Variants in INTS15 observed in about 807,000 individuals in gnomAD.
INTS15 encodes the protein integrator complex subunit 15, also known as uncharacterized protein C7orf26.
the INTS15 span, chr7:6,599,924 A>T: frequency 6.2e-7 from 1 of 1,614,180 alleles, no homozygotes; most frequent in Non-Finnish European, 8.5e-7. Flanking sequence ...AAATACTCCG[A>T]TTGCGGCCAA....
chr7:6,604,388 T>C, the INTS15 span, among the ~76,000 whole-genome samples: 1 of 152,200 alleles, frequency 6.6e-6, no homozygotes, highest in Admixed American at 6.5e-5. Flanking sequence ...CTGCTACAAA[T>C]AGTAACTGAC....
the INTS15 span, chr7:6,590,122 C>T: frequency 1.4e-5 from 7 of 486,528 alleles, no homozygotes; most frequent in East Asian, 2.4e-4. Flanking sequence ...GCAGCGATGG[C>T]CCCCTGAGCA....
chr7:6,590,504 G>T, the INTS15 span: 2 of 1,525,592 alleles, frequency 1.3e-6, no homozygotes, highest in African/African-American at 1.4e-5. Context: ...GGGTTCCCGG[G>T]CCCCGCAGGC....
At chr7:6,601,044 C>T in the INTS15 span, among the ~76,000 whole-genome samples, 1 of 151,424 alleles carries the variant, frequency 6.6e-6, no homozygotes, top group Non-Finnish European at 1.5e-5. Flanking sequence ...CGTAGCTCGC[C>T]ACAGTCTCCA....
At chr7:6,601,896 A>G in the INTS15 span, among the ~76,000 whole-genome samples, 2 of 151,506 alleles carry the variant, frequency 1.3e-5, no homozygotes, top group African/African-American at 4.9e-5. Context: ...ACCTCGGGTG[A>G]TCCACCCGCC....
At chr7:6,590,399 T>C in the INTS15 span, 1 of 1,607,070 alleles carries the variant, frequency 6.2e-7, no homozygotes, top group Non-Finnish European at 8.5e-7. Context: ...CCGCTGCCCA[T>C]CGTGGACAAG....
the INTS15 span, chr7:6,590,302 T>C: frequency 6.3e-7 from 1 of 1,575,890 alleles, no homozygotes; most frequent in Non-Finnish European, 8.6e-7. Context: ...CATCCGCCAC[T>C]CGCTGCTGCG....
At chr7:6,605,973 A>G in the INTS15 span, among the ~76,000 whole-genome samples, 1 of 151,868 alleles carries the variant, frequency 6.6e-6, no homozygotes, top group Admixed American at 6.6e-5. Flanking sequence ...TGCTGGGATT[A>G]CAGGTGTGAG....
At chr7:6,597,708 A>T in the INTS15 span, among the ~76,000 whole-genome samples, 1 of 131,884 alleles carries the variant, frequency 7.6e-6, no homozygotes, top group Non-Finnish European at 1.6e-5. Context: ...AATGCCACTG[A>T]CACAGCACAG....
At chr7:6,590,480 G>T in the INTS15 span, 5 of 1,568,232 alleles carry the variant, frequency 3.2e-6, no homozygotes, top group Non-Finnish European at 4.3e-6. Flanking sequence ...CCCAAGGTGC[G>T]GCCTGAGACG....
the INTS15 span, among the ~76,000 whole-genome samples, chr7:6,600,590 G>C: frequency 6.6e-6 from 1 of 152,114 alleles, no homozygotes; most frequent in Non-Finnish European, 1.5e-5. Context: ...CCCAGGACTG[G>C]GGACTCCTTG....
chr7:6,597,892 A>G, the INTS15 span, among the ~76,000 whole-genome samples: 2 of 152,312 alleles, frequency 1.3e-5, no homozygotes, highest in African/African-American at 4.8e-5. Context: ...GTGTCTTCAA[A>G]GCACAAAAAG....
chr7:6,607,728 C>A, the INTS15 span: 2 of 1,508,944 alleles, frequency 1.3e-6, no homozygotes, highest in Non-Finnish European at 8.8e-7. The surrounding 1 kb of genome is among the most constrained non-coding windows in gnomAD (Gnocchi z 6.0). Flanking sequence ...GTGCTACGGC[C>A]GGAGCTCCGT....
At chr7:6,608,152 C>T in the INTS15 span, 1 of 1,564,528 alleles carries the variant, frequency 6.4e-7, no homozygotes, top group South Asian at 1.2e-5. Context: ...CCTTCAGGCC[C>T]ATCCGCTAGG....
the INTS15 span, chr7:6,594,549 T>C: frequency 1.9e-6 from 3 of 1,614,134 alleles, no homozygotes; most frequent in Non-Finnish European, 2.5e-6. Flanking sequence ...CAGCCCGAGA[T>C]TCTGCTGCCA....
At chr7:6,591,570 CT>C in the INTS15 span, 1 of 1,366,912 alleles carries the variant, frequency 7.3e-7, no homozygotes, top group South Asian at 1.2e-5. Flanking sequence ...AGTCTATTTC[CT>C]GTTTTCTTAA....
the INTS15 span, among the ~76,000 whole-genome samples, chr7:6,607,201 C>T: frequency 1.3e-5 from 2 of 152,084 alleles, no homozygotes; most frequent in African/African-American, 4.8e-5. This position sits in a 1 kb window ranked among gnomAD's most constrained non-coding sequence, Gnocchi z 6.0. Context: ...TGGGAAGGGA[C>T]CCAGCGTTGG....
chr7:6,602,935 T>G, the INTS15 span, among the ~76,000 whole-genome samples: 1 of 152,202 alleles, frequency 6.6e-6, no homozygotes, highest in East Asian at 1.9e-4. Flanking sequence ...CGTAAGATTT[T>G]TGTGAGGATT....
chr7:6,596,528 G>A, the INTS15 span, among the ~76,000 whole-genome samples: 7 of 150,146 alleles, frequency 4.7e-5, no homozygotes, highest in African/African-American at 7.4e-5. Context: ...GTAGGTGTGC[G>A]CCACCACACC....
Sources: allele counts gnomAD v4.1 joint callset (sites outside exome capture counted in the v4.1 genomes callset), GRCh38; gene constraint gnomAD v4.1.1; non-coding constraint Gnocchi (gnomAD v3.1); transcripts MANE v1.5; gene names NCBI Gene and HGNC (gene_info 2026-07-23, HGNC 2026-07-21).